The following SOBP variants were observed in gnomAD, a reference collection of about 807,000 sequenced individuals.
SOBP encodes the protein sine oculis-binding protein homolog.
Under a neutral mutation model 53.6 loss-of-function variants are expected in SOBP, and 4 were observed. The observed-to-expected ratio is 0.07, with a 90% confidence interval of 0.04 to 0.17. SOBP has a LOEUF of 0.17. Among genes scored for constraint, SOBP ranks in the 10% least tolerant of loss-of-function variants. The pLI is 1.00. For missense variants in SOBP, 1,088 were observed against 1,204.7 expected (o/e 0.90, Z 1.43); for synonymous variants, 584 against 522.6 (o/e 1.12, Z -1.60).
chr6:107,569,876 C>T (rs1785022771), intron 4 of SOBP, among the ~76,000 whole-genome samples: 2 of 152,324 alleles, frequency 1.3e-5, no homozygotes, highest in South Asian at 4.1e-4. Flanking sequence ...GTTCTGCAGC[C>T]GCCTGCATTC....
At chr6:107,546,214 G>A (rs144090212) in intron 4 of SOBP, among the ~76,000 whole-genome samples, 4 of 152,312 alleles carry the variant, frequency 2.6e-5, no homozygotes, top group African/African-American at 9.6e-5. Context: ...ACCTTAGGAA[G>A]CAGTGTAAGA....
chr6:107,578,776 T>A lies in SOBP; in HGVS notation c.574-8304T>A, dbSNP rs76283408. ...TTAATCTGGTTAGTACTGTGTTTTT[T>A]AATCCCATTTGAGGCCGGGTTATTT... On this transcript the variant is annotated intron_variant, in intron 4 of 6. Transcript: ENST00000317357. Among the ~76,000 whole-genome samples, 847 of 152,292 alleles carry A rather than the reference T, an allele frequency of 5.6e-3. 11 individuals carry two copies. Among genetic ancestry groups the A allele is most frequent in the East Asian group, 0.038 (195 of 5,176 alleles).
chr6:107,505,798 A>G (rs1017498591), intron 2 of SOBP, among the ~76,000 whole-genome samples: 1 of 151,562 alleles, frequency 6.6e-6, no homozygotes, highest in Non-Finnish European at 1.5e-5. Flanking sequence ...CTACAGGCAC[A>G]CATCACCATG....
intron 4 of SOBP, among the ~76,000 whole-genome samples, chr6:107,581,156 G>T (rs1785389942): frequency 6.6e-6 from 1 of 152,192 alleles, no homozygotes; most frequent in Non-Finnish European, 1.5e-5. Context: ...CACACACATG[G>T]TCATAATGCA....
In SOBP at chr6:107,521,558, A is replaced by C. The variant is rs185164691; in HGVS notation, c.422-11901A>C. 5.3e-4 allele frequency among the ~76,000 whole-genome samples: 80 copies of C among 152,296 alleles called. No individual in the cohort carries two copies. The East Asian group carries it at 0.012, about 22-fold the overall frequency. On this transcript the variant is annotated intron_variant, in intron 3 of 6. Coordinates refer to ENST00000317357, the MANE Select transcript of SOBP (RefSeq NM_018013.4). ...CAGTCAACTTCAGGACCTACACTTA[A>C]CCACCTAAGCCCATCTAAGGAATCC... is the stretch of plus-strand genomic sequence containing the variant.
chr6:107,631,357 A>G (rs1233749913), intron 5 of SOBP, among the ~76,000 whole-genome samples: 1 of 152,190 alleles, frequency 6.6e-6, no homozygotes, highest in African/African-American at 2.4e-5. Flanking sequence ...CAGGCTTTCT[A>G]TGGATGCCTA....
At chr6:107,565,821 A>G (rs1784901037) in intron 4 of SOBP, among the ~76,000 whole-genome samples, 1 of 152,208 alleles carries the variant, frequency 6.6e-6, no homozygotes, top group South Asian at 2.1e-4. Context: ...ACACTATGGG[A>G]AATACAAAAG....
At chr6:107,593,572 G>A (rs1275921613) in intron 5 of SOBP, among the ~76,000 whole-genome samples, 3 of 152,108 alleles carry the variant, frequency 2.0e-5, no homozygotes, top group African/African-American at 7.2e-5. Flanking sequence ...GTGCACTCTG[G>A]GCAAGTTTCT....
At chr6:107,557,896 G>C (rs999808007) in intron 4 of SOBP, 2 of 152,176 alleles carry the variant, frequency 1.3e-5, no homozygotes, top group Admixed American at 6.5e-5. Flanking sequence ...ATGAGCAGAA[G>C]ATGACTCTGC....
intron 4 of SOBP, among the ~76,000 whole-genome samples, chr6:107,561,298 C>T (rs1784764474): frequency 6.6e-6 from 1 of 152,054 alleles, no homozygotes; most frequent in South Asian, 2.1e-4. Flanking sequence ...AAAAAAAAAT[C>T]CAAGCTAAAT....
rs748768523 is a variant in SOBP at position 107,506,200 on chromosome 6, A to T, written c.236-42A>T. ...AGGAAAAATTTAAGTCTACTGCATT[A>T]CATTCCTTGGTCACATTGAATATGA... is the stretch of plus-strand genomic sequence containing the variant. On this transcript the variant is annotated intron_variant, in intron 2 of 6. Coordinates refer to ENST00000317357, the MANE Select transcript of SOBP (RefSeq NM_018013.4). 4 of 1,570,928 alleles carry T rather than the reference A, an allele frequency of 2.5e-6. No homozygotes were observed. In the African/African-American group the frequency reaches 4.1e-5, roughly 16 times the overall value.
chr6:107,570,098 A>G (rs1043583561), intron 4 of SOBP, among the ~76,000 whole-genome samples: 2 of 152,346 alleles, frequency 1.3e-5, no homozygotes, highest in East Asian at 3.9e-4. Context: ...CTCATCAGTT[A>G]CAGAGGAATA....
chr6:107,590,384 G>A (rs947881750), intron 5 of SOBP, among the ~76,000 whole-genome samples: 4 of 152,218 alleles, frequency 2.6e-5, no homozygotes, highest in African/African-American at 9.7e-5. Flanking sequence ...CTGTGTTCAG[G>A]AAGAAGGTCA....
At chr6:107,626,535 C>T (rs1169557162) in intron 5 of SOBP, among the ~76,000 whole-genome samples, 1 of 152,218 alleles carries the variant, frequency 6.6e-6, no homozygotes, top group Non-Finnish European at 1.5e-5. Flanking sequence ...CAGATTCTAC[C>T]TCATATGAGG....
Position 107,529,597 on chromosome 6 carries a change from T to C in SOBP, c.422-3862T>C, listed in dbSNP as rs540536427. 46 of 985,458 alleles carry C rather than the reference T, an allele frequency of 4.7e-5. No individual in the cohort carries two copies. In the South Asian group the frequency reaches 1.6e-3, roughly 33 times the overall value. The allele number at this position is 985,458 out of a possible 1,614,324, so 61.0% of individuals were successfully genotyped here. A position where few individuals can be genotyped will look rare whatever the true frequency, so the allele number is the denominator to read the frequency against. On this transcript the variant is annotated intron_variant, in intron 3 of 6. Coordinates refer to ENST00000317357, the MANE Select transcript of SOBP (RefSeq NM_018013.4). ...TCCATTAATGCCCTACTGATTTTCT[T>C]TGGGCACTGGTCAGGTAAGTTAGTA...
intron 6 of SOBP, chr6:107,636,258 A>AT (rs1165914872): frequency 1.3e-5 from 2 of 155,260 alleles, no homozygotes; most frequent in East Asian, 1.9e-4. Context: ...AGAGGGTGGC[A>AT]TTGCTAAAGT....
intron 4 of SOBP, among the ~76,000 whole-genome samples, chr6:107,553,430 G>A (rs1417892309): frequency 6.6e-6 from 1 of 151,448 alleles, no homozygotes; most frequent in Non-Finnish European, 1.5e-5. Context: ...CTGGGCTCAA[G>A]TGATTCTCCT....
At chr6:107,628,736 G>C (rs1355251479) in intron 5 of SOBP, among the ~76,000 whole-genome samples, 1 of 152,192 alleles carries the variant, frequency 6.6e-6, no homozygotes, top group Non-Finnish European at 1.5e-5. Context: ...TAAATCCCAT[G>C]TGATTTCCAT....
intron 4 of SOBP, among the ~76,000 whole-genome samples, chr6:107,559,626 G>T (rs1784717909): frequency 6.6e-6 from 1 of 152,180 alleles, no homozygotes; most frequent in Non-Finnish European, 1.5e-5. Flanking sequence ...GGGAATCATG[G>T]GTTACACAAA....
Sources: gnomAD v4.1 joint callset for allele counts (sites outside exome capture counted in the v4.1 genomes callset) on GRCh38, gnomAD v4.1.1 for gene constraint, MANE v1.5 for transcripts, NCBI Gene and HGNC (gene_info 2026-07-23, HGNC 2026-07-21) for gene names.